MTF1: variants seen among roughly 807,000 people sequenced by gnomAD.
MTF1 encodes the protein MRE-binding transcription factor.
A neutral mutation model predicts 70.4 loss-of-function variants in MTF1; 22 were observed. That is an observed-to-expected ratio of 0.31 (90% CI 0.22 to 0.45). The LOEUF is 0.45. MTF1 is among the 20% of genes least tolerant of loss of function. The pLI is 1.00. For missense variants in MTF1, 649 were observed against 922.0 expected (o/e 0.70, Z 3.83); for synonymous variants, 333 against 352.8 (o/e 0.94, Z 0.63).
At position 37,822,322 on chromosome 1, in the gene MTF1, T is replaced by G. The variant is rs1354291053; in HGVS notation, c.1566A>C (p.Pro522=). 7.4e-6 allele frequency: 12 copies of G among 1,613,080 alleles called. No homozygotes were observed. Among genetic ancestry groups the G allele is most frequent in the Non-Finnish European group, 9.3e-6 (11 of 1,179,560 alleles). Residue 522 remains proline, a synonymous_variant, in exon 9 of 11, where the codon CCA becomes CCC. Transcript: ENST00000373036. ...VASAVAAPAP[P]QSTTEPLPAM... Reference sequence around the variant, plus strand: ...CTGGCAGGGGCTCAGTAGTACTTTGTGGTGGGGCTGGTGCTGCCACAGCTG... The same window carrying G: ...CTGGCAGGGGCTCAGTAGTACTTTGGGGTGGGGCTGGTGCTGCCACAGCTG...
At chr1:37,839,643 G>A (rs1557594567) in intron 3 of MTF1, among the ~76,000 whole-genome samples, 1 of 152,192 alleles carries the variant, frequency 6.6e-6, no homozygotes, top group East Asian at 1.9e-4. Flanking sequence ...AGGCCAGAAT[G>A]CTGCTCCATG....
chr1:37,837,979 A>G (rs1641196659), intron 4 of MTF1, among the ~76,000 whole-genome samples: 1 of 152,248 alleles, frequency 6.6e-6, no homozygotes, highest in South Asian at 2.1e-4. Flanking sequence ...CAGAGAAGAA[A>G]GTAGATAACC....
chr1:37,838,760 C>T lies in MTF1; in HGVS notation c.648-4G>A, dbSNP rs1401778032. The T allele has an allele frequency of 1.4e-6, 2 of 1,427,944 alleles. No individual in the cohort carries two copies. Among genetic ancestry groups the T allele is most frequent in the South Asian group, 1.3e-5 (1 of 75,516 alleles). 88.5% of individuals were successfully genotyped at this position (1,427,944 alleles called of 1,614,324 possible). On this transcript the variant is annotated splice_region_variant and splice_polypyrimidine_tract_variant and intron_variant, in intron 3 of 10. Coordinates refer to ENST00000373036, the MANE Select transcript of MTF1 (RefSeq NM_005955.3). ...AAGCCTCTGATGTGCTTTCAGCCTG[C>T]AAAATATTCCAGAAAAATTCCCTTT...
chr1:37,847,006 C>T (rs1482887946), intron 2 of MTF1, among the ~76,000 whole-genome samples: 1 of 152,194 alleles, frequency 6.6e-6, no homozygotes, highest in East Asian at 1.9e-4. Context: ...CTGTGTCCGA[C>T]TCCATTCCCC....
At chr1:37,838,592 G>A in intron 4 of MTF1, 33 bp downstream of exon 4, 1 of 1,583,840 alleles carries the variant, frequency 6.3e-7, no homozygotes, top group East Asian at 2.3e-5. Flanking sequence ...GCTGAAACCT[G>A]GTCAGTGACA....
intron 7 of MTF1, among the ~76,000 whole-genome samples, chr1:37,829,960 T>C (rs559953566): frequency 1.3e-5 from 2 of 152,292 alleles, no homozygotes; most frequent in South Asian, 4.1e-4. Flanking sequence ...TAAATTGTGA[T>C]AGGAAAGGCT....
chr1:37,850,025 G>A (rs1641391965), intron 2 of MTF1, among the ~76,000 whole-genome samples: 2 of 152,016 alleles, frequency 1.3e-5, no homozygotes, highest in African/African-American at 2.4e-5. Flanking sequence ...GAAGGATTGC[G>A]TGAGCCCAGG....
At chr1:37,817,134 G>C (rs1316117470) in intron 10 of MTF1, among the ~76,000 whole-genome samples, 2 of 152,188 alleles carry the variant, frequency 1.3e-5, no homozygotes, top group Non-Finnish European at 2.9e-5. Context: ...AGCATTAGCT[G>C]TGATTCAAAA....
At chr1:37,846,032 G>T (rs894693139) in intron 2 of MTF1, among the ~76,000 whole-genome samples, 1 of 152,138 alleles carries the variant, frequency 6.6e-6, no homozygotes, top group East Asian at 1.9e-4. Flanking sequence ...TTGCAAAAAC[G>T]TGTAGGTTTT....
At chr1:37,830,955 G>C (rs1413888902) in intron 7 of MTF1, among the ~76,000 whole-genome samples, 1 of 152,172 alleles carries the variant, frequency 6.6e-6, no homozygotes, top group Non-Finnish European at 1.5e-5. Flanking sequence ...TGGCCACCCT[G>C]AACTCTGTCC....
intron 6 of MTF1, among the ~76,000 whole-genome samples, chr1:37,832,807 C>A (rs186753584): frequency 3.2e-4 from 49 of 152,118 alleles, no homozygotes; most frequent in Admixed American, 3.1e-3. Context: ...GAATTCGAGA[C>A]CAGCCTGGCC....
chr1:37,837,493 T>C (rs1165235758), intron 4 of MTF1, among the ~76,000 whole-genome samples: 4 of 151,966 alleles, frequency 2.6e-5, no homozygotes, highest in Non-Finnish European at 4.4e-5. Context: ...TCAAATACAT[T>C]GTTTATTTTT....
chr1:37,815,429 G>T lies in MTF1; in HGVS notation c.1969C>A (p.Pro657Thr), dbSNP rs1640801142. Reference sequence around the variant, plus strand: ...GCCTGGGGGCTCGGCTCTGGAGGGGGTGGGGAGGAGCAGCCCTTTCTCCTG... The same window carrying T: ...GCCTGGGGGCTCGGCTCTGGAGGGGTTGGGGAGGAGCAGCCCTTTCTCCTG... The part of the protein sequence containing the change: ...SSRRKGCSSP[P>T]PPEPSPQAPD... The change falls in exon 11 of 11, where the codon CCC becomes ACC. Residue 657 changes from proline to threonine, a missense_variant. Physicochemically the swap from Pro to Thr is conservative, Grantham distance 38. Around this residue, in one of 7 missense-constraint regions of MTF1, gnomAD observed 138 missense variants for 134.4 expected, o/e 1.03. Transcript: ENST00000373036. This position sits in a 1 kb window ranked among gnomAD's most constrained non-coding sequence, Gnocchi z 4.5. The T allele has an allele frequency of 1.9e-6, 3 of 1,612,706 alleles. No homozygotes were observed. The highest frequency in any genetic ancestry group is 1.1e-5 in the South Asian group (1 of 91,036).
At chr1:37,844,975 G>A (rs1269557002) in intron 2 of MTF1, among the ~76,000 whole-genome samples, 1 of 152,168 alleles carries the variant, frequency 6.6e-6, no homozygotes. Flanking sequence ...TTCATGGCTA[G>A]GCACAACAGT....
Position 37,840,728 on chromosome 1 carries a change from T to C in MTF1, c.409-570A>G, listed in dbSNP as rs2148414852. On this transcript the variant is annotated intron_variant, in intron 2 of 10. Coordinates refer to ENST00000373036, the MANE Select transcript of MTF1 (RefSeq NM_005955.3). The surrounding 1 kb of genome is among the most constrained non-coding windows in gnomAD (Gnocchi z 4.5). ...TCAAACTGCCAGCCTCTTGTTTCCTTTCACCATCAAACTTCTTGAAAGGGG... is the reference window on the plus strand; with the variant it reads ...TCAAACTGCCAGCCTCTTGTTTCCTCTCACCATCAAACTTCTTGAAAGGGG... 6.6e-6 allele frequency among the ~76,000 whole-genome samples: 1 copy of C among 152,320 alleles called. No homozygotes were observed. The highest frequency in any genetic ancestry group is 1.5e-5 in the Non-Finnish European group (1 of 68,022).
At position 37,811,757 on chromosome 1, in the gene MTF1, C is replaced by T. The variant is rs867107911; in HGVS notation, c.*3379G>A. 2.0e-4 allele frequency: 30 copies of T among 152,326 alleles called. No individual in the cohort carries two copies. Among genetic ancestry groups the T allele is most frequent in the African/African-American group, 7.0e-4 (29 of 41,536 alleles). 9.4% of individuals were successfully genotyped at this position (152,326 alleles called of 1,614,324 possible). A position where few individuals can be genotyped will look rare whatever the true frequency, so the allele number is the denominator to read the frequency against. On this transcript the variant is annotated 3_prime_UTR_variant, in exon 11 of 11. Transcript: ENST00000373036. The stretch of plus-strand genomic sequence containing the variant: ...GAGGTGAAGAAGAGAAGCCCCTTGC[C>T]TTTTACTCAGAGAGATCTTCACATC...
chr1:37,817,568 C>A lies in MTF1; in HGVS notation c.1768-86G>T. 3.3e-6 allele frequency: 3 copies of A among 900,616 alleles called. No homozygotes were observed. The South Asian group carries it at 4.1e-5, about 12-fold the overall frequency. The allele number at this position is 900,616 out of a possible 1,614,324, so 55.8% of individuals were successfully genotyped here. A position where few individuals can be genotyped will look rare whatever the true frequency, so the allele number is the denominator to read the frequency against. On this transcript the variant is annotated intron_variant, in intron 9 of 10. Transcript: ENST00000373036. ...CTGAAGCCTCACCAACTGTAATGGTCATCCAAGAAGACAGAAAACCCTTAG... is the reference window on the plus strand; with the variant it reads ...CTGAAGCCTCACCAACTGTAATGGTAATCCAAGAAGACAGAAAACCCTTAG...
chr1:37,849,762 C>T (rs1009352194), intron 2 of MTF1, among the ~76,000 whole-genome samples: 2 of 152,138 alleles, frequency 1.3e-5, no homozygotes, highest in African/African-American at 4.8e-5. Context: ...TAGCTCATGC[C>T]TTTAATCCCA....
chr1:37,850,240 C>CAAAAAAAA (rs5773605), intron 2 of MTF1, among the ~76,000 whole-genome samples: 5 of 66,330 alleles, frequency 7.5e-5, no homozygotes, highest in East Asian at 4.6e-4. Context: ...CTGTCTCAAC[C>CAAAAAAAA]AAAAAAAAAA....
Sources: gnomAD v4.1 joint callset for allele counts (sites outside exome capture counted in the v4.1 genomes callset) on GRCh38, gnomAD v4.1.1 for gene constraint, gnomAD v4.1.1 regional missense constraint, Gnocchi (gnomAD v3.1) non-coding constraint, MANE v1.5 for transcripts, NCBI Gene and HGNC (gene_info 2026-07-23, HGNC 2026-07-21) for gene names.